The following MYO3A variants were observed in gnomAD, a reference collection of about 807,000 sequenced individuals.
The protein encoded by MYO3A is myosin-IIIa.
MYO3A carries 180 observed loss-of-function variants against 192.7 expected under a neutral mutation model. The observed-to-expected ratio is 0.93, with a 90% confidence interval of 0.83 to 1.06. The LOEUF is 1.06. Among genes scored for constraint, MYO3A ranks in the 50% least tolerant of loss-of-function variants. The pLI is 0.00. For synonymous variants in MYO3A, 628 were observed against 645.3 expected (o/e 0.97, Z 0.41); for missense variants, 1,896 against 1,905.0 (o/e 1.00, Z 0.09).
intron 2 of MYO3A, among the ~76,000 whole-genome samples, chr10:25,950,131 T>A (rs1837110502): frequency 6.6e-6 from 1 of 152,104 alleles, no homozygotes; most frequent in African/African-American, 2.4e-5. Flanking sequence ...GGAGGGCCTT[T>A]CTAAGAAATT....
chr10:25,984,422 C>T (rs1408853385), intron 4 of MYO3A, among the ~76,000 whole-genome samples: 4 of 152,098 alleles, frequency 2.6e-5, no homozygotes, highest in Non-Finnish European at 4.4e-5. Context: ...CCAGGTTTTT[C>T]GCAGGCTACA....
chr10:26,174,780 G>A (rs1472470783), intron 30 of MYO3A, among the ~76,000 whole-genome samples: 1 of 152,098 alleles, frequency 6.6e-6, no homozygotes, highest in African/African-American at 2.4e-5. Context: ...GAAACCTCAT[G>A]TAGTCGTGAT....
intron 17 of MYO3A, among the ~76,000 whole-genome samples, chr10:26,115,754 TA>T (rs1838465457): frequency 6.6e-6 from 1 of 152,214 alleles, no homozygotes; most frequent in Admixed American, 6.5e-5. Context: ...CAAGGACTGA[TA>T]AGTGCCTTCT....
At chr10:25,994,670 G>A (rs2130885885) in intron 4 of MYO3A, among the ~76,000 whole-genome samples, 1 of 152,212 alleles carries the variant, frequency 6.6e-6, no homozygotes, top group Middle Eastern at 3.4e-3. Flanking sequence ...TCCATGTTTA[G>A]TGCTTCCTTC....
chr10:26,045,623 G>A lies in MYO3A; in HGVS notation c.953+19091G>A, dbSNP rs927195208. On this transcript the variant is annotated intron_variant, in intron 10 of 34. Transcript: ENST00000642920. ...GACAGACTTTTGTTATAGTGTTGGGGTGCTTTAGGTCTCAGAAGCAGTCCT... is the reference window on the plus strand; with the variant it reads ...GACAGACTTTTGTTATAGTGTTGGGATGCTTTAGGTCTCAGAAGCAGTCCT... Among the ~76,000 whole-genome samples the A allele has an allele frequency of 6.6e-5, 10 of 152,132 alleles. No individual in the cohort carries two copies. The South Asian group carries it at 1.0e-3, about 16-fold the overall frequency.
intron 4 of MYO3A, among the ~76,000 whole-genome samples, chr10:25,972,513 G>A (rs1289110371): frequency 6.6e-6 from 1 of 151,632 alleles, no homozygotes; most frequent in East Asian, 1.9e-4. Context: ...TTTTTTTGTT[G>A]TTGTTGAAAA....
chr10:26,166,624 G>A (rs1308980769), intron 27 of MYO3A, among the ~76,000 whole-genome samples: 2 of 152,168 alleles, frequency 1.3e-5, no homozygotes, highest in Non-Finnish European at 2.9e-5. Flanking sequence ...AAACCATAAT[G>A]ATTGTACTTT....
chr10:26,202,841 A>G, intron 33 of MYO3A, 123 bp from the exon 34 acceptor site: 1 of 1,101,460 alleles, frequency 9.1e-7, no homozygotes, highest in East Asian at 2.6e-5. Flanking sequence ...TTCCATTTCT[A>G]TTGACATGTG....
In MYO3A at chr10:26,173,803, A is replaced by T. The variant is rs904223720; in HGVS notation, c.3539A>T (p.Glu1180Val). The change falls in exon 30 of 35, where the codon GAG (glutamate) becomes GTG (valine). Residue 1180 changes from glutamate (E) to valine (V), a missense_variant. Coordinates refer to ENST00000642920, the MANE Select transcript of MYO3A (RefSeq NM_017433.5). ...KPEEETTNAV[E>V]SNNRVYQTPK... ...GAAGAGGAAACCACCAATGCTGTGG[A>T]GAGTAACAACAGAGTGTATCAGACT... The T allele has an allele frequency of 3.1e-6, 5 of 1,614,172 alleles. No homozygotes were observed. The highest frequency in any genetic ancestry group is 3.4e-6 in the Non-Finnish European group (4 of 1,180,028).
At chr10:25,955,656 C>A (rs1837491607) in intron 4 of MYO3A, among the ~76,000 whole-genome samples, 1 of 152,076 alleles carries the variant, frequency 6.6e-6, no homozygotes, top group South Asian at 2.1e-4. Context: ...CAGAATAATT[C>A]CATTTTTCTG....
intron 20 of MYO3A, among the ~76,000 whole-genome samples, chr10:26,131,174 A>T (rs1465425129): frequency 1.3e-5 from 2 of 152,368 alleles, no homozygotes; most frequent in East Asian, 1.9e-4. Flanking sequence ...GTTGTACAAC[A>T]CTGGAACATA....
intron 7 of MYO3A, among the ~76,000 whole-genome samples, chr10:26,017,348 C>A (rs1364910470): frequency 6.6e-6 from 1 of 152,106 alleles, no homozygotes; most frequent in East Asian, 1.9e-4. Flanking sequence ...TTAATAAATT[C>A]TTTACATCAT....
At chr10:26,155,544 G>A (rs147179416) in intron 25 of MYO3A, among the ~76,000 whole-genome samples, 136 of 152,286 alleles carry the variant, frequency 8.9e-4, no homozygotes, top group African/African-American at 3.2e-3. Context: ...TAATGTGGAG[G>A]AGGTGGAGGA....
intron 6 of MYO3A, among the ~76,000 whole-genome samples, chr10:26,006,002 C>G (rs932235030): frequency 2.0e-4 from 31 of 152,030 alleles, no homozygotes; most frequent in African/African-American, 7.0e-4. Flanking sequence ...TCAAGCAGAA[C>G]CTGTGGGCTC....
intron 17 of MYO3A, among the ~76,000 whole-genome samples, chr10:26,104,146 T>C (rs978610360): frequency 1.3e-5 from 2 of 152,138 alleles, no homozygotes; most frequent in Non-Finnish European, 2.9e-5. Flanking sequence ...ATTTGTTATA[T>C]TTTCCCTTTC....
At chr10:26,036,004 G>A (rs1016738773) in intron 10 of MYO3A, among the ~76,000 whole-genome samples, 1 of 151,982 alleles carries the variant, frequency 6.6e-6, no homozygotes, top group Non-Finnish European at 1.5e-5. Context: ...CGCCATCTTG[G>A]CTCACTGCAA....
At chr10:26,089,133 G>A (rs548584763) in intron 15 of MYO3A, among the ~76,000 whole-genome samples, 1 of 152,268 alleles carries the variant, frequency 6.6e-6, no homozygotes, top group East Asian at 1.9e-4. Context: ...TATTGTAGTA[G>A]TATGTCATGT....
At chr10:26,114,775 T>C (rs999414240) in intron 17 of MYO3A, among the ~76,000 whole-genome samples, 3 of 152,210 alleles carry the variant, frequency 2.0e-5, no homozygotes, top group Non-Finnish European at 4.4e-5. Context: ...AAGTTAGAGA[T>C]GTGAATTAGT....
intron 22 of MYO3A, 95 bp downstream of exon 22, chr10:26,145,629 T>C (rs1840417042): frequency 3.1e-6 from 3 of 961,312 alleles, no homozygotes; most frequent in East Asian, 2.5e-5. Flanking sequence ...TGTTTATAGA[T>C]AATGATAATG....
Sources: allele counts gnomAD v4.1 joint callset (sites outside exome capture counted in the v4.1 genomes callset), GRCh38; gene constraint gnomAD v4.1.1; transcripts MANE v1.5; gene names NCBI Gene and HGNC (gene_info 2026-07-23, HGNC 2026-07-21).